DPYD: variants seen among roughly 807,000 people sequenced by gnomAD.
DPYD encodes the protein dihydropyrimidine dehydrogenase [NADP(+)].
Under a neutral mutation model 116.2 loss-of-function variants are expected in DPYD, and 109 were observed. The observed-to-expected ratio is 0.94, with a 90% CI of 0.80 to 1.10. DPYD has a LOEUF of 1.10. DPYD is among the 50% of genes least tolerant of loss of function. DPYD has a pLI of 0.00. For synonymous variants in DPYD, 440 were observed against 432.0 expected, an observed-to-expected ratio of 1.02 and a Z score of -0.23; for missense variants, 1,302 against 1,254.5, an observed-to-expected ratio of 1.04 and a Z score of -0.57.
intron 8 of DPYD, among the ~76,000 whole-genome samples, chr1:97,635,111 G>T (rs957375936): frequency 3.3e-5 from 5 of 152,006 alleles, no homozygotes; most frequent in Admixed American, 2.6e-4. Flanking sequence ...GAGTGGCACT[G>T]CCTCAGGCCC....
chr1:97,444,341 C>T (rs1675957417), intron 14 of DPYD, among the ~76,000 whole-genome samples: 1 of 151,982 alleles, frequency 6.6e-6, no homozygotes, highest in Admixed American at 6.6e-5. Flanking sequence ...GCTGTGTTAC[C>T]CAAGACAGTC....
intron 1 of DPYD, among the ~76,000 whole-genome samples, chr1:97,916,464 A>G (rs1674218432): frequency 3.9e-5 from 6 of 152,142 alleles, no homozygotes; most frequent in Non-Finnish European, 2.9e-5. Context: ...TTTGCTGAGA[A>G]TGATGGTTTC....
chr1:97,143,497 G>T (rs897786081), intron 20 of DPYD, among the ~76,000 whole-genome samples: 5 of 152,092 alleles, frequency 3.3e-5, no homozygotes, highest in Admixed American at 6.6e-5. Flanking sequence ...CAAGATAAGT[G>T]AATCTAGATT....
intron 14 of DPYD, among the ~76,000 whole-genome samples, chr1:97,413,382 G>A (rs1674114491): frequency 6.6e-6 from 1 of 152,200 alleles, no homozygotes; most frequent in South Asian, 2.1e-4. Flanking sequence ...TATGCTTTAA[G>A]AGTAATGCGG....
intron 14 of DPYD, among the ~76,000 whole-genome samples, chr1:97,443,373 T>C (rs1015309708): frequency 6.6e-6 from 1 of 152,186 alleles, no homozygotes; most frequent in African/African-American, 2.4e-5. Flanking sequence ...CTAGAATTCA[T>C]GAATATCAGA....
chr1:97,403,681 C>G (rs763521626), intron 14 of DPYD, among the ~76,000 whole-genome samples: 33 of 151,994 alleles, frequency 2.2e-4, no homozygotes, highest in Admixed American at 2.2e-3. Flanking sequence ...ATATTATTAA[C>G]TTATGTCCTC....
At chr1:97,367,794 T>C (rs910552737) in intron 16 of DPYD, among the ~76,000 whole-genome samples, 2 of 152,144 alleles carry the variant, frequency 1.3e-5, no homozygotes, top group African/African-American at 2.4e-5. Flanking sequence ...CACTGAACAA[T>C]TGGAATCCAT....
chr1:97,640,293 ATTTCT>A (rs1191617549), intron 8 of DPYD, among the ~76,000 whole-genome samples: 1 of 151,586 alleles, frequency 6.6e-6, no homozygotes, highest in African/African-American at 2.4e-5. Context: ...TTACTTACAA[ATTTCT>A]TTTATTTTCT....
chr1:97,812,239 T>A (rs1335717035), intron 3 of DPYD, among the ~76,000 whole-genome samples: 1 of 152,172 alleles, frequency 6.6e-6, no homozygotes, highest in East Asian at 1.9e-4. Flanking sequence ...AAGCAGGAAT[T>A]GAGGGCTGTT....
At chr1:97,255,984 T>C (rs993581599) in intron 18 of DPYD, among the ~76,000 whole-genome samples, 13 of 152,072 alleles carry the variant, frequency 8.5e-5, no homozygotes, top group Admixed American at 7.2e-4. Flanking sequence ...AAACAAGATC[T>C]CCTAGATGAA....
At chr1:97,195,537 AGAGAGAGAGAG>A (rs1658700077) in intron 19 of DPYD, among the ~76,000 whole-genome samples, 1 of 128,018 alleles carries the variant, frequency 7.8e-6, no homozygotes. Context: ...AGAGAGAGAG[AGAGAGAGAGAG>A]AGAGAGAGAG....
At chr1:97,712,673 A>G (rs1330133766) in intron 5 of DPYD, among the ~76,000 whole-genome samples, 1 of 152,006 alleles carries the variant, frequency 6.6e-6, no homozygotes, top group African/African-American at 2.4e-5. Context: ...CCTTCAATCA[A>G]CAATACTCCT....
At chr1:97,454,020 T>C (rs866185755) in intron 13 of DPYD, among the ~76,000 whole-genome samples, 1 of 152,054 alleles carries the variant, frequency 6.6e-6, no homozygotes, top group African/African-American at 2.4e-5. Context: ...TGCCTACTGT[T>C]GTAGAATGGG....
rs193244081 is a variant in DPYD at position 97,900,447 on chromosome 1, A to G, written c.40-17073T>C. On this transcript the variant is annotated intron_variant, in intron 1 of 22. Coordinates refer to ENST00000370192, the MANE Select transcript of DPYD (RefSeq NM_000110.4). ...CCAATCAACAAGGCAAAATATTCAA[A>G]ACCAGGGTGCATGGAAACTTCAAAA... 2.0e-3 allele frequency among the ~76,000 whole-genome samples: 298 copies of G among 152,008 alleles called. 3 individuals carry two copies. Among genetic ancestry groups the G allele is most frequent in the African/African-American group, 6.8e-3 (281 of 41,508 alleles).
intron 4 of DPYD, among the ~76,000 whole-genome samples, chr1:97,727,705 T>C (rs1448234920): frequency 6.6e-6 from 1 of 151,818 alleles, no homozygotes; most frequent in Non-Finnish European, 1.5e-5. Context: ...GAAGAAATGG[T>C]AGATAACTCC....
intron 8 of DPYD, among the ~76,000 whole-genome samples, chr1:97,644,754 G>C (rs1658157911): frequency 6.6e-6 from 1 of 151,528 alleles, no homozygotes; most frequent in Non-Finnish European, 1.5e-5. Context: ...CACCGCACCT[G>C]GCCAATTTTA....
chr1:97,686,636 CAA>C (rs1159274157), intron 7 of DPYD, among the ~76,000 whole-genome samples: 51 of 10,038 alleles, frequency 5.1e-3, no homozygotes, highest in African/African-American at 0.016. Context: ...GACTCTGTCT[CAA>C]AAAAAAAAAA....
At chr1:97,804,678 T>C (rs1290329444) in intron 3 of DPYD, among the ~76,000 whole-genome samples, 2 of 151,816 alleles carry the variant, frequency 1.3e-5, no homozygotes, top group East Asian at 1.9e-4. Context: ...AATTAGAAGA[T>C]AACAGGTTGC....
Position 97,235,003 on chromosome 1 carries a change from A to C in DPYD, c.2300-9T>G. On this transcript the variant is annotated splice_polypyrimidine_tract_variant and intron_variant, in intron 18 of 22. Transcript: ENST00000370192. Reference sequence around the variant, plus strand: ...AGGTCTGATTGCTGTCCCTACACAAAATCAGAATAATCAATGGTTAGCACA... The same window carrying C: ...AGGTCTGATTGCTGTCCCTACACAACATCAGAATAATCAATGGTTAGCACA... 6.2e-7 allele frequency: 1 copy of C among 1,614,096 alleles called. No homozygotes were observed. The highest frequency in any genetic ancestry group is 8.5e-7 in the Non-Finnish European group (1 of 1,179,996).
Sources: allele counts gnomAD v4.1 joint callset (sites outside exome capture counted in the v4.1 genomes callset), GRCh38; gene constraint gnomAD v4.1.1; transcripts MANE v1.5; gene names NCBI Gene and HGNC (gene_info 2026-07-23, HGNC 2026-07-21).